The following DOK6 variants were observed in gnomAD, a reference collection of about 807,000 sequenced individuals.
DOK6 encodes the protein docking protein 6.
In DOK6, 22 loss-of-function variants were observed where a neutral mutation model predicts 44.0. That is an observed-to-expected ratio of 0.50 (90% confidence interval 0.36 to 0.71). DOK6 has a LOEUF of 0.71. DOK6 is among the 30% of genes least tolerant of loss of function. DOK6 has a pLI of 0.00. For missense variants in DOK6, 340 were observed against 416.4 expected (o/e 0.82, Z 1.60); for synonymous variants, 166 against 145.5 (o/e 1.14, Z -1.01).
chr18:69,423,975 G>A (rs73971958), intron 1 of DOK6, among the ~76,000 whole-genome samples: 3,265 of 151,994 alleles, frequency 0.021, 43 homozygotes, highest in Middle Eastern at 0.041. Flanking sequence ...ATTGAATTAC[G>A]TAGCTTCAAC....
At chr18:69,449,979 T>G (rs1979413619) in intron 1 of DOK6, among the ~76,000 whole-genome samples, 1 of 126,608 alleles carries the variant, frequency 7.9e-6, no homozygotes, top group Non-Finnish European at 1.6e-5. Context: ...ACAGAAAAAC[T>G]GGAAACTCTA....
At chr18:69,688,612 TC>T (rs1048898792) in intron 4 of DOK6, among the ~76,000 whole-genome samples, 13 of 152,178 alleles carry the variant, frequency 8.5e-5, no homozygotes, top group African/African-American at 2.7e-4. Context: ...AACCTCCGCC[TC>T]CTGGGTTCAA....
chr18:69,724,466 A>C (rs1203831372), intron 5 of DOK6, among the ~76,000 whole-genome samples: 2 of 152,258 alleles, frequency 1.3e-5, no homozygotes, highest in African/African-American at 4.8e-5. Flanking sequence ...TATTTACAAT[A>C]TGCAGCCAAG....
In DOK6 at chr18:69,480,392, G is replaced by C. The variant is rs140010047; in HGVS notation, c.66+79082G>C. On this transcript the variant is annotated intron_variant, in intron 1 of 7. Transcript: ENST00000382713. ...TGAATCTTGACTATAATATTGACAAGAACCAAACAGATTTTTATTTGCTAG... is the reference window on the plus strand; with the variant it reads ...TGAATCTTGACTATAATATTGACAACAACCAAACAGATTTTTATTTGCTAG... Among the ~76,000 whole-genome samples, 139 of 152,084 alleles carry C rather than the reference G, an allele frequency of 9.1e-4. No homozygotes were observed. In the Middle Eastern group the frequency reaches 0.014, roughly 15 times the overall value.
rs1378884068 is a variant in DOK6, at chr18:69,789,878, C to T, written c.856+32005C>T. Reference sequence around the variant, plus strand: ...TTCTGCCACTAAGCCCTCCACACAACAGTAAGCACATTAGGGGAGGCTGCA... The same window carrying T: ...TTCTGCCACTAAGCCCTCCACACAATAGTAAGCACATTAGGGGAGGCTGCA... On this transcript the variant is annotated intron_variant, in intron 7 of 7. Transcript: ENST00000382713. Among the ~76,000 whole-genome samples the T allele has an allele frequency of 3.3e-5, 5 of 152,284 alleles. No individual in the cohort carries two copies. In the South Asian group the frequency reaches 8.3e-4, roughly 25 times the overall value.
intron 1 of DOK6, among the ~76,000 whole-genome samples, chr18:69,552,090 C>T (rs1235237008): frequency 6.6e-6 from 1 of 152,186 alleles, no homozygotes; most frequent in Non-Finnish European, 1.5e-5. Context: ...TAAAAAATCA[C>T]TTTCCTGGAA....
intron 1 of DOK6, among the ~76,000 whole-genome samples, chr18:69,515,651 T>C (rs541852768): frequency 1.3e-5 from 2 of 152,304 alleles, no homozygotes; most frequent in South Asian, 4.1e-4. Flanking sequence ...AGGAAATGAA[T>C]TAGAGAAAAC....
intron 3 of DOK6, among the ~76,000 whole-genome samples, chr18:69,602,812 C>T (rs554055077): frequency 2.0e-5 from 3 of 152,186 alleles, no homozygotes; most frequent in African/African-American, 7.2e-5. Context: ...AAATATAGTG[C>T]ATTATCAAGG....
chr18:69,573,454 A>G (rs533255864), intron 2 of DOK6, among the ~76,000 whole-genome samples: 3 of 152,090 alleles, frequency 2.0e-5, no homozygotes, highest in African/African-American at 7.2e-5. Flanking sequence ...AGTTTTTATT[A>G]TTACAACTTT....
chr18:69,614,116 ATCAT>A lies in DOK6; in HGVS notation c.289+14620_289+14623del, dbSNP rs1357579335. Among the ~76,000 whole-genome samples the A allele has an allele frequency of 3.3e-5, 5 of 152,202 alleles. No individual in the cohort carries two copies. In the East Asian group the frequency reaches 7.7e-4, roughly 23 times the overall value. ...TCTATATCTTTATTTCAAAGAGAAC[ATCAT>A]TTACTAAAGTAACACCTTTTCCCCA... is the stretch of plus-strand genomic sequence containing the variant. On this transcript the variant is annotated intron_variant, in intron 3 of 7. Transcript: ENST00000382713.
chr18:69,410,288 C>A (rs890782066), intron 1 of DOK6, among the ~76,000 whole-genome samples: 4 of 152,238 alleles, frequency 2.6e-5, no homozygotes, highest in African/African-American at 9.6e-5. Flanking sequence ...ATCCTTCCGC[C>A]TGGGCGTTCC....
intron 1 of DOK6, among the ~76,000 whole-genome samples, chr18:69,428,692 C>T (rs993559274): frequency 1.3e-5 from 2 of 152,126 alleles, no homozygotes; most frequent in Non-Finnish European, 2.9e-5. Flanking sequence ...AATAGCTTGC[C>T]TAGGATTGTC....
chr18:69,602,772 G>A (rs916885457), intron 3 of DOK6, among the ~76,000 whole-genome samples: 6 of 151,920 alleles, frequency 3.9e-5, no homozygotes, highest in Non-Finnish European at 7.4e-5. Flanking sequence ...AAAATATATC[G>A]ATGACCTACA....
chr18:69,728,074 G>T (rs923712655), intron 5 of DOK6, among the ~76,000 whole-genome samples: 1 of 152,166 alleles, frequency 6.6e-6, no homozygotes, highest in African/African-American at 2.4e-5. Context: ...GCGCTGTCAC[G>T]CTCCACTGAA....
At chr18:69,611,871 A>G (rs1400375084) in intron 3 of DOK6, among the ~76,000 whole-genome samples, 2 of 152,024 alleles carry the variant, frequency 1.3e-5, no homozygotes, top group Non-Finnish European at 2.9e-5. Context: ...AAAGTAACAG[A>G]GCTTGTATTG....
chr18:69,694,058 C>CAAAAAAAAAA (rs60662789), intron 4 of DOK6, among the ~76,000 whole-genome samples: 15 of 62,004 alleles, frequency 2.4e-4, no homozygotes, highest in African/African-American at 3.1e-4. Flanking sequence ...GACTCCGTGT[C>CAAAAAAAAAA]AAAAAAAAAA....
intron 6 of DOK6, among the ~76,000 whole-genome samples, chr18:69,754,729 T>G (rs1204707934): frequency 2.0e-5 from 3 of 152,246 alleles, no homozygotes; most frequent in African/African-American, 7.2e-5. Flanking sequence ...TTTATCCCTG[T>G]GTCTCTTCCT....
intron 1 of DOK6, among the ~76,000 whole-genome samples, chr18:69,412,307 G>A (rs1213168864): frequency 6.6e-6 from 1 of 152,092 alleles, no homozygotes; most frequent in African/African-American, 2.4e-5. Flanking sequence ...CCCTCTACCT[G>A]TGATAATTTT....
chr18:69,411,911 A>T (rs987583293), intron 1 of DOK6, among the ~76,000 whole-genome samples: 2 of 152,144 alleles, frequency 1.3e-5, no homozygotes, highest in African/African-American at 2.4e-5. Flanking sequence ...TCTTCAAGAT[A>T]AATATTTTTC....
Sources: gnomAD v4.1 joint callset for allele counts (sites outside exome capture counted in the v4.1 genomes callset) on GRCh38, gnomAD v4.1.1 for gene constraint, MANE v1.5 for transcripts, NCBI Gene and HGNC (gene_info 2026-07-23, HGNC 2026-07-21) for gene names.